The following P2RY12 variants were observed in gnomAD, a reference collection of about 807,000 sequenced individuals.
P2RY12 encodes the protein P2Y purinoceptor 12.
Under a neutral mutation model 4.5 loss-of-function variants are expected in P2RY12, and 3 were observed. The ratio of observed to expected loss-of-function variants is 0.67; its 90% confidence interval spans 0.31 to 1.74. P2RY12 has a LOEUF of 1.74. Among genes scored for constraint, P2RY12 ranks in the 40% most tolerant of loss-of-function variants. The pLI, the probability that P2RY12 is intolerant of heterozygous loss-of-function variation, is 0.09. For synonymous variants in P2RY12, 148 were observed against 154.1 expected (o/e 0.96, Z 0.29); for missense variants, 356 against 407.8 (o/e 0.87, Z 1.09).
intron 1 of P2RY12, among the ~76,000 whole-genome samples, chr3:151,354,097 C>T (rs966731734): frequency 1.4e-5 from 2 of 141,164 alleles, no homozygotes; most frequent in African/African-American, 2.6e-5. Flanking sequence ...GCCGAGATCC[C>T]GCCACTGCAC....
intron 1 of P2RY12, chr3:151,376,745 T>C: frequency 1.5e-6 from 2 of 1,372,730 alleles, no homozygotes; most frequent in Non-Finnish European, 1.0e-6. Flanking sequence ...AAGAAATTAC[T>C]GTATTTTAAC....
chr3:151,355,019 A>G (rs1300349821), intron 1 of P2RY12: 1 of 785,598 alleles, frequency 1.3e-6, no homozygotes, highest in South Asian at 1.5e-5. Flanking sequence ...GAATTTGTGC[A>G]CTTTTCTGTA....
chr3:151,377,809 T>TA (rs1711517731), intron 1 of P2RY12, among the ~76,000 whole-genome samples: 1 of 152,222 alleles, frequency 6.6e-6, no homozygotes, highest in African/African-American at 2.4e-5. Flanking sequence ...CTGCATGTTT[T>TA]ATTGCTTTCT....
chr3:151,342,812 G>A (rs1355712274), intron 1 of P2RY12, among the ~76,000 whole-genome samples: 4 of 152,168 alleles, frequency 2.6e-5, no homozygotes, highest in Non-Finnish European at 4.4e-5. Context: ...ATTTTAAAAA[G>A]AGCTTTTATG....
chr3:151,377,102 A>T, intron 1 of P2RY12: 1 of 1,614,100 alleles, frequency 6.2e-7, no homozygotes, highest in Non-Finnish European at 8.5e-7. Flanking sequence ...TTCTGGCATG[A>T]GCCTCTTCAA....
intron 1 of P2RY12, chr3:151,356,112 C>T: frequency 4.1e-6 from 6 of 1,458,026 alleles, no homozygotes; most frequent in Non-Finnish European, 4.7e-6. Context: ...TTAAAGTGAG[C>T]CAATTAGCTG....
At chr3:151,374,619 T>A (rs1247436010) in intron 1 of P2RY12, among the ~76,000 whole-genome samples, 1 of 152,166 alleles carries the variant, frequency 6.6e-6, no homozygotes, top group Non-Finnish European at 1.5e-5. Flanking sequence ...CCTAAAAGGC[T>A]TTGAAGATTT....
At chr3:151,375,714 AACTG>A (rs1460738717) in intron 1 of P2RY12, among the ~76,000 whole-genome samples, 1 of 152,154 alleles carries the variant, frequency 6.6e-6, no homozygotes, top group Non-Finnish European at 1.5e-5. Flanking sequence ...AGTTAGAAAA[AACTG>A]ACACAAAATA....
Position 151,383,931 on chromosome 3 carries a change from A to G in P2RY12, c.-180+761T>C, listed in dbSNP as rs114709620. ...CACATTGATTTTGCTACATGTATGC[A>G]TGGTATAAGCTTTGATATACTGATG... On this transcript the variant is annotated intron_variant, in intron 1 of 2. Coordinates refer to ENST00000302632, the MANE Select transcript of P2RY12 (RefSeq NM_022788.5). The G allele has an allele frequency of 2.1e-3, 3,336 of 1,554,554 alleles. 72 individuals are homozygous for G. In the African/African-American group the frequency reaches 0.04, roughly 19 times the overall value.
At chr3:151,350,828 T>A (rs1753138702) in intron 1 of P2RY12, among the ~76,000 whole-genome samples, 1 of 152,238 alleles carries the variant, frequency 6.6e-6, no homozygotes, top group African/African-American at 2.4e-5. Context: ...GTTTTTACAG[T>A]GAAGCTGTGC....
At chr3:151,339,158 T>C (rs1751453142) in intron 2 of P2RY12, among the ~76,000 whole-genome samples, 1 of 152,182 alleles carries the variant, frequency 6.6e-6, no homozygotes, top group Non-Finnish European at 1.5e-5. Flanking sequence ...AGCTCACTCA[T>C]ATTTATATGC....
At chr3:151,358,464 G>A (rs1754205537) in intron 1 of P2RY12, among the ~76,000 whole-genome samples, 1 of 152,094 alleles carries the variant, frequency 6.6e-6, no homozygotes, top group South Asian at 2.1e-4. Flanking sequence ...TTTCGAACTG[G>A]AAGCTTATTC....
intron 1 of P2RY12, among the ~76,000 whole-genome samples, chr3:151,381,137 G>A (rs1270517219): frequency 2.6e-5 from 4 of 152,222 alleles, no homozygotes; most frequent in Non-Finnish European, 5.9e-5. Context: ...AAAGTGGATA[G>A]ATTGGTCTTA....
intron 1 of P2RY12, among the ~76,000 whole-genome samples, chr3:151,343,728 C>T (rs1171765414): frequency 6.6e-6 from 1 of 152,020 alleles, no homozygotes; most frequent in Non-Finnish European, 1.5e-5. Flanking sequence ...GAAAAATGAA[C>T]AGAATTTTTA....
intron 1 of P2RY12, among the ~76,000 whole-genome samples, chr3:151,370,149 A>T (rs1355056532): frequency 6.6e-6 from 1 of 152,186 alleles, no homozygotes. Flanking sequence ...CTTATTTGTA[A>T]GAATTTTCCT....
chr3:151,371,987 G>GT (rs1756244658), intron 1 of P2RY12, among the ~76,000 whole-genome samples: 1 of 152,136 alleles, frequency 6.6e-6, no homozygotes, highest in Non-Finnish European at 1.5e-5. Flanking sequence ...AGAGAGGAAG[G>GT]TAAAAAAACA....
At chr3:151,374,934 T>TA (rs200230535) in intron 1 of P2RY12, among the ~76,000 whole-genome samples, 75 of 151,542 alleles carry the variant, frequency 4.9e-4, no homozygotes, top group South Asian at 2.3e-3. Flanking sequence ...AGTTCTCTTA[T>TA]AAAAAAAAAG....
chr3:151,360,501 A>C (rs748218918), intron 1 of P2RY12: 42 of 1,612,754 alleles, frequency 2.6e-5, no homozygotes, highest in Middle Eastern at 1.6e-4. Context: ...AGCATGTCGT[A>C]AACCCCTCAG....
At chr3:151,357,443 T>A in intron 1 of P2RY12, 2 of 1,395,614 alleles carry the variant, frequency 1.4e-6, no homozygotes, top group Non-Finnish European at 1.9e-6. Flanking sequence ...TGAAATATTA[T>A]AGTGGCTTTA....
Sources: gnomAD v4.1 joint callset for allele counts (sites outside exome capture counted in the v4.1 genomes callset) on GRCh38, gnomAD v4.1.1 for gene constraint, MANE v1.5 for transcripts, NCBI Gene and HGNC (gene_info 2026-07-23, HGNC 2026-07-21) for gene names.